The following TNFSF4 variants were observed in gnomAD, a reference collection of about 807,000 sequenced individuals.
TNFSF4 encodes the protein tumor necrosis factor ligand superfamily member 4.
TNFSF4 carries 4 observed loss-of-function variants against 7.3 expected under a neutral mutation model. The ratio of observed to expected loss-of-function variants is 0.55; its 90% confidence interval spans 0.27 to 1.25. TNFSF4 has a LOEUF of 1.25. Ranked by LOEUF, TNFSF4 falls within the 50% of genes most tolerant of loss-of-function variation. The pLI, the probability that TNFSF4 is intolerant of heterozygous loss-of-function variation, is 0.12. For missense variants in TNFSF4, 181 were observed against 208.8 expected (o/e 0.87, Z 0.82); for synonymous variants, 76 against 83.7 (o/e 0.91, Z 0.50).
chr1:173,433,576 C>G, the TNFSF4 span, among the ~76,000 whole-genome samples: 1 of 151,748 alleles, frequency 6.6e-6, no homozygotes. Flanking sequence ...GTGGCATGCA[C>G]CTGTAGACCC....
the TNFSF4 span, among the ~76,000 whole-genome samples, chr1:173,388,974 G>A: frequency 1.3e-5 from 2 of 152,106 alleles, no homozygotes; most frequent in Non-Finnish European, 2.9e-5. Flanking sequence ...CTATCCCCTA[G>A]GCATACAGTT....
the TNFSF4 span, among the ~76,000 whole-genome samples, chr1:173,317,394 G>T: frequency 1.3e-5 from 2 of 152,212 alleles, no homozygotes; most frequent in Non-Finnish European, 2.9e-5. Flanking sequence ...CTAAGACCAA[G>T]TGTGATTACT....
chr1:173,392,180 G>A, the TNFSF4 span, among the ~76,000 whole-genome samples: 1 of 152,278 alleles, frequency 6.6e-6, no homozygotes, highest in South Asian at 2.1e-4. Flanking sequence ...TGTCTAACTT[G>A]TTAACCCTGT....
chr1:173,183,707 T>G (rs1649103431), downstream of TNFSF4: 1 of 152,142 alleles, frequency 6.6e-6, no homozygotes. Context: ...CAAGGATAAA[T>G]GAACACTCCA....
At chr1:173,301,352 A>AT in the TNFSF4 span, among the ~76,000 whole-genome samples, 43,434 of 151,322 alleles carry the variant, frequency 0.29, 6,305 homozygotes, top group East Asian at 0.36. Context: ...AAAAAGTTCC[A>AT]TTTTTTTTAC....
chr1:173,235,487 T>C, the TNFSF4 span, among the ~76,000 whole-genome samples: 1 of 152,326 alleles, frequency 6.6e-6, no homozygotes, highest in East Asian at 1.9e-4. Flanking sequence ...CATATTGATT[T>C]ATTTCCCTTA....
chr1:173,406,450 T>C, the TNFSF4 span, among the ~76,000 whole-genome samples: 1 of 152,178 alleles, frequency 6.6e-6, no homozygotes, highest in Admixed American at 6.5e-5. Context: ...TTGGCCTACA[T>C]AGCTAACGAA....
At chr1:173,407,707 T>TGG in the TNFSF4 span, among the ~76,000 whole-genome samples, 10 of 150,458 alleles carry the variant, frequency 6.6e-5, no homozygotes, top group African/African-American at 2.5e-4. Context: ...TAAATGGGTG[T>TGG]GTGTGTGTGT....
At chr1:173,445,570 G>A in the TNFSF4 span, among the ~76,000 whole-genome samples, 1 of 152,080 alleles carries the variant, frequency 6.6e-6, no homozygotes, top group African/African-American at 2.4e-5. Context: ...ACAGAAAAGG[G>A]CTCCTGTGGT....
chr1:173,213,280 C>T, the TNFSF4 span, among the ~76,000 whole-genome samples: 1 of 152,006 alleles, frequency 6.6e-6, no homozygotes, highest in Admixed American at 6.6e-5. Flanking sequence ...CCCTTTCATT[C>T]TTCATGTTGC....
At chr1:173,365,690 A>ATTTCTC in the TNFSF4 span, among the ~76,000 whole-genome samples, 1 of 152,172 alleles carries the variant, frequency 6.6e-6, no homozygotes, top group Admixed American at 6.5e-5. Context: ...TGAATAATTA[A>ATTTCTC]TTTCTCTTAA....
At chr1:173,402,438 C>T in the TNFSF4 span, among the ~76,000 whole-genome samples, 2,351 of 152,276 alleles carry the variant, frequency 0.015, 62 homozygotes, top group African/African-American at 0.054. Flanking sequence ...ACAACCAAAA[C>T]CCAACCAGAG....
the TNFSF4 span, among the ~76,000 whole-genome samples, chr1:173,342,613 C>T: frequency 6.6e-6 from 1 of 152,140 alleles, no homozygotes. Flanking sequence ...ACTGCCTGTC[C>T]TAATCCCGTC....
At chr1:173,439,519 C>T in the TNFSF4 span, among the ~76,000 whole-genome samples, 2 of 152,222 alleles carry the variant, frequency 1.3e-5, no homozygotes. Context: ...CTTACTGACT[C>T]TTATCAGAGA....
chr1:173,435,525 G>A, the TNFSF4 span, among the ~76,000 whole-genome samples: 4 of 152,200 alleles, frequency 2.6e-5, no homozygotes, highest in African/African-American at 9.6e-5. Context: ...ACATCTACAA[G>A]GCAGGAAGGA....
chr1:173,360,281 T>C, the TNFSF4 span, among the ~76,000 whole-genome samples: 1 of 152,264 alleles, frequency 6.6e-6, no homozygotes, highest in Non-Finnish European at 1.5e-5. Context: ...TCTCCTGGAC[T>C]GTGCCTTATG....
the TNFSF4 span, among the ~76,000 whole-genome samples, chr1:173,306,735 G>T: frequency 4.0e-5 from 6 of 151,822 alleles, no homozygotes; most frequent in African/African-American, 1.5e-4. Flanking sequence ...CCTCTTTAGT[G>T]GAATCTCATT....
At chr1:173,371,770 A>G in the TNFSF4 span, among the ~76,000 whole-genome samples, 1 of 152,128 alleles carries the variant, frequency 6.6e-6, no homozygotes, top group Non-Finnish European at 1.5e-5. Flanking sequence ...ATACCAGAGG[A>G]AGCAGAATGG....
the TNFSF4 span, among the ~76,000 whole-genome samples, chr1:173,342,360 C>T: frequency 6.6e-6 from 1 of 152,088 alleles, no homozygotes; most frequent in Non-Finnish European, 1.5e-5. Context: ...AGTGGATGTT[C>T]CCAGGTGAAG....
Sources: allele counts gnomAD v4.1 joint callset (sites outside exome capture counted in the v4.1 genomes callset), GRCh38; gene constraint gnomAD v4.1.1; transcripts MANE v1.5; gene names NCBI Gene and HGNC (gene_info 2026-07-23, HGNC 2026-07-21).